Variants in TENM2 observed in about 807,000 individuals in gnomAD.
TENM2 encodes teneurin-2.
In TENM2, 52 loss-of-function variants were observed where a neutral mutation model predicts 245.2. The observed-to-expected ratio is 0.21, with a 90% CI of 0.17 to 0.27. The LOEUF (loss-of-function observed/expected upper bound fraction) is 0.27. Among genes scored for constraint, TENM2 ranks in the 10% least tolerant of loss-of-function variants. The pLI is 1.00. For missense variants in TENM2, 3,046 were observed against 3,666.8 expected, an observed-to-expected ratio of 0.83 and a Z score of 4.37; for synonymous variants, 1,363 against 1,438.9, an observed-to-expected ratio of 0.95 and a Z score of 1.19.
chr5:168,092,136 A>G (rs965272896), intron 8 of TENM2, among the ~76,000 whole-genome samples: 29 of 152,330 alleles, frequency 1.9e-4, no homozygotes, highest in African/African-American at 6.7e-4. Context: ...TCAAAGAGCT[A>G]TGTAATCCAA....
intron 12 of TENM2, among the ~76,000 whole-genome samples, chr5:168,134,191 G>A (rs1250246662): frequency 6.6e-6 from 1 of 152,026 alleles, no homozygotes; most frequent in Non-Finnish European, 1.5e-5. Flanking sequence ...ATAGGCTCTT[G>A]TGTCATTCTA....
chr5:166,983,017 T>C, the TENM2 span, among the ~76,000 whole-genome samples: 1 of 152,140 alleles, frequency 6.6e-6, no homozygotes, highest in South Asian at 2.1e-4. Context: ...ATGTTCACAT[T>C]GTTCAGTACT....
intron 2 of TENM2, among the ~76,000 whole-genome samples, chr5:167,679,217 A>T (rs1756537002): frequency 6.6e-6 from 1 of 152,120 alleles, no homozygotes; most frequent in Non-Finnish European, 1.5e-5. Flanking sequence ...TCATCTACTT[A>T]TACAGTCTTC....
intron 2 of TENM2, among the ~76,000 whole-genome samples, chr5:167,648,905 G>T (rs1780153666): frequency 6.6e-6 from 1 of 152,164 alleles, no homozygotes; most frequent in Non-Finnish European, 1.5e-5. Context: ...AATGAGAAGG[G>T]CTCGGTCTGT....
chr5:167,175,086 A>AAT, the TENM2 span, among the ~76,000 whole-genome samples: 2 of 152,164 alleles, frequency 1.3e-5, no homozygotes, highest in Non-Finnish European at 2.9e-5. Flanking sequence ...ATTTACAGGC[A>AAT]TTGACGTCGT....
At chr5:167,237,888 G>A in the TENM2 span, among the ~76,000 whole-genome samples, 1 of 151,694 alleles carries the variant, frequency 6.6e-6, no homozygotes, top group South Asian at 2.1e-4. Context: ...GCACACGCCT[G>A]TAATCCCAGC....
chr5:167,051,236 A>G, the TENM2 span, among the ~76,000 whole-genome samples: 1 of 152,082 alleles, frequency 6.6e-6, no homozygotes, highest in Non-Finnish European at 1.5e-5. Flanking sequence ...AAAAAAAGCA[A>G]AAGGCAAACT....
At chr5:167,038,429 G>A in the TENM2 span, among the ~76,000 whole-genome samples, 29 of 152,260 alleles carry the variant, frequency 1.9e-4, no homozygotes, top group Admixed American at 3.3e-4. Context: ...CTATGACCAG[G>A]GATTGTAGGC....
chr5:168,056,922 C>G (rs1439141519), intron 6 of TENM2, among the ~76,000 whole-genome samples: 2 of 152,052 alleles, frequency 1.3e-5, no homozygotes, highest in African/African-American at 2.4e-5. Flanking sequence ...ACCATATAGC[C>G]TAGGTATGTA....
intron 5 of TENM2, among the ~76,000 whole-genome samples, chr5:168,016,605 G>A (rs950071366): frequency 6.6e-6 from 1 of 152,184 alleles, no homozygotes; most frequent in African/African-American, 2.4e-5. Flanking sequence ...CTGGCACTCA[G>A]AAACCACGTC....
the TENM2 span, among the ~76,000 whole-genome samples, chr5:167,024,484 A>C: frequency 6.6e-6 from 1 of 152,294 alleles, no homozygotes; most frequent in East Asian, 1.9e-4. Context: ...TGTCAGGGTG[A>C]TGAAGAAAAA....
the TENM2 span, among the ~76,000 whole-genome samples, chr5:167,181,317 A>G: frequency 6.6e-6 from 1 of 152,024 alleles, no homozygotes; most frequent in Non-Finnish European, 1.5e-5. Flanking sequence ...CTTATTCAAA[A>G]CTAGTTTTTC....
intron 2 of TENM2, among the ~76,000 whole-genome samples, chr5:167,458,487 AAAAAAAC>A (rs912619603): frequency 3.6e-5 from 3 of 82,204 alleles, no homozygotes; most frequent in Non-Finnish European, 5.2e-5. Context: ...ACTCCGTCTC[AAAAAAAC>A]AAAAAAAAAA....
chr5:167,367,415 G>A (rs977324834), intron 1 of TENM2, among the ~76,000 whole-genome samples: 1 of 152,180 alleles, frequency 6.6e-6, no homozygotes, highest in Non-Finnish European at 1.5e-5. Flanking sequence ...AATAATGCAT[G>A]TACACTTACT....
intron 2 of TENM2, among the ~76,000 whole-genome samples, chr5:167,740,863 C>T (rs1761132230): frequency 6.6e-6 from 1 of 152,152 alleles, no homozygotes; most frequent in Non-Finnish European, 1.5e-5. Context: ...TTCATCAGCA[C>T]CCACTGCTTC....
chr5:167,839,586 T>C (rs1410093199), intron 2 of TENM2, among the ~76,000 whole-genome samples: 1 of 152,088 alleles, frequency 6.6e-6, no homozygotes, highest in Non-Finnish European at 1.5e-5. Context: ...TGTATGTATG[T>C]GTTTAAAGAA....
At chr5:167,855,723 AAGGG>A (rs1313987121) in intron 2 of TENM2, among the ~76,000 whole-genome samples, 7 of 122,802 alleles carry the variant, frequency 5.7e-5, no homozygotes, top group African/African-American at 1.2e-4. Context: ...GAAAGGAAAG[AAGGG>A]AGGGAGGGAG....
chr5:168,120,203 G>A (rs1795372176), intron 10 of TENM2, among the ~76,000 whole-genome samples: 1 of 151,948 alleles, frequency 6.6e-6, no homozygotes, highest in East Asian at 1.9e-4. Flanking sequence ...GGGACCAGAA[G>A]TCTGACCCCC....
intron 2 of TENM2, among the ~76,000 whole-genome samples, chr5:167,566,145 C>A (rs561620992): frequency 6.7e-6 from 1 of 150,346 alleles, no homozygotes; most frequent in African/African-American, 2.4e-5. Context: ...TATTCACTGG[C>A]GATTGTTTTG....
Sources: allele counts gnomAD v4.1 joint callset (sites outside exome capture counted in the v4.1 genomes callset), GRCh38; gene constraint gnomAD v4.1.1; transcripts MANE v1.5; gene names NCBI Gene and HGNC (gene_info 2026-07-23, HGNC 2026-07-21).